Variants in PPARGC1A observed in about 807,000 individuals in gnomAD.
The protein encoded by PPARGC1A is peroxisome proliferator-activated receptor gamma coactivator 1-alpha.
A neutral mutation model predicts 88.7 loss-of-function variants in PPARGC1A; 25 were observed. The ratio of observed to expected loss-of-function variants is 0.28; its 90% CI spans 0.21 to 0.39. The LOEUF (loss-of-function observed/expected upper bound fraction) is 0.39, where lower values mean the gene tolerates loss of function less well. PPARGC1A is among the 10% of genes least tolerant of loss of function. PPARGC1A has a pLI of 1.00. For missense variants in PPARGC1A, 880 were observed against 968.7 expected (o/e 0.91, Z 1.22); for synonymous variants, 363 against 355.6 (o/e 1.02, Z -0.24).
At chr4:24,389,675 T>C in the PPARGC1A span, among the ~76,000 whole-genome samples, 2 of 152,158 alleles carry the variant, frequency 1.3e-5, no homozygotes, top group African/African-American at 4.8e-5. Context: ...CTATTAATAA[T>C]GATAACATAA....
chr4:24,078,379 G>T, the PPARGC1A span, among the ~76,000 whole-genome samples: 1 of 152,138 alleles, frequency 6.6e-6, no homozygotes, highest in East Asian at 1.9e-4. Context: ...CACTTTGAAA[G>T]AGAAGAGAGA....
At chr4:24,008,619 A>T in the PPARGC1A span, among the ~76,000 whole-genome samples, 6 of 152,182 alleles carry the variant, frequency 3.9e-5, no homozygotes, top group Admixed American at 6.5e-5. Context: ...AACGTTAGCC[A>T]TAGAGTAACT....
the PPARGC1A span, among the ~76,000 whole-genome samples, chr4:23,996,595 C>T: frequency 1.3e-5 from 2 of 152,022 alleles, no homozygotes; most frequent in Non-Finnish European, 2.9e-5. Flanking sequence ...CAACCCCACT[C>T]TGTTTCTCTT....
chr4:24,089,630 C>T, the PPARGC1A span, among the ~76,000 whole-genome samples: 12 of 151,738 alleles, frequency 7.9e-5, no homozygotes, highest in Admixed American at 5.9e-4. Flanking sequence ...CGTGTCTCAG[C>T]CTCCCGAGTA....
chr4:23,985,869 A>G, the PPARGC1A span, among the ~76,000 whole-genome samples: 47 of 152,186 alleles, frequency 3.1e-4, 1 homozygote, highest in African/African-American at 1.1e-3. Flanking sequence ...TGAGAAAATT[A>G]TGGTACACAA....
Position 23,813,768 on chromosome 4 carries a change from A to G in PPARGC1A, c.1715T>C (p.Phe572Ser). The G allele has an allele frequency of 5.6e-6, 9 of 1,613,614 alleles. No individual in the cohort carries two copies. The highest frequency in any genetic ancestry group is 6.8e-6 in the Non-Finnish European group (8 of 1,179,544). The stretch of plus-strand genomic sequence containing the variant: ...TCGGGAACACGACCTGTGTCGAGAA[A>G]AGGACCTTGAACGAGAGCGCATCCT... Reference protein sequence around the residue: ...PQRMRSRSRSFSRHRSCSRSP... With the variant: ...PQRMRSRSRSSSRHRSCSRSP... The change falls in exon 8 of 13, where the codon TTT (phenylalanine) becomes TCT (serine). Residue 572 changes from phenylalanine (F) to serine (S), a missense_variant. By Grantham distance (155) the Phe-to-Ser change is radical. Coordinates refer to ENST00000264867, the MANE Select transcript of PPARGC1A (RefSeq NM_013261.5).
the PPARGC1A span, among the ~76,000 whole-genome samples, chr4:24,417,434 T>A: frequency 2.6e-5 from 4 of 152,190 alleles, no homozygotes; most frequent in Non-Finnish European, 5.9e-5. Flanking sequence ...AAAACAGTTG[T>A]CAGTGATTTG....
chr4:23,899,900 T>C (rs1577698685), upstream of PPARGC1A, among the ~76,000 whole-genome samples: 1 of 152,142 alleles, frequency 6.6e-6, no homozygotes, highest in Admixed American at 6.5e-5. Flanking sequence ...TAAACTCTTA[T>C]GATACATGTA....
At chr4:24,208,341 G>T in the PPARGC1A span, among the ~76,000 whole-genome samples, 2 of 151,880 alleles carry the variant, frequency 1.3e-5, no homozygotes, top group South Asian at 4.2e-4. Context: ...GGGAAGGAGA[G>T]AGGAAGGGAG....
At chr4:24,162,219 G>T in the PPARGC1A span, among the ~76,000 whole-genome samples, 1 of 152,110 alleles carries the variant, frequency 6.6e-6, no homozygotes, top group Non-Finnish European at 1.5e-5. Flanking sequence ...TGGGAGGAAA[G>T]GGTGGGAAGG....
chr4:23,822,961 C>T (rs1246831543), intron 7 of PPARGC1A, among the ~76,000 whole-genome samples: 2 of 152,074 alleles, frequency 1.3e-5, no homozygotes, highest in Non-Finnish European at 2.9e-5. Context: ...GGTGGTGGAA[C>T]ATATCCAGTA....
At chr4:24,418,716 G>A in the PPARGC1A span, among the ~76,000 whole-genome samples, 1 of 152,124 alleles carries the variant, frequency 6.6e-6, no homozygotes, top group Non-Finnish European at 1.5e-5. Context: ...AACATAGCAG[G>A]ACCTCTATAA....
At chr4:24,313,662 G>T in the PPARGC1A span, among the ~76,000 whole-genome samples, 2 of 152,260 alleles carry the variant, frequency 1.3e-5, no homozygotes, top group South Asian at 4.1e-4. Flanking sequence ...GTCTGAGAAT[G>T]TATGCAATTG....
chr4:24,330,197 C>T, the PPARGC1A span, among the ~76,000 whole-genome samples: 15 of 152,286 alleles, frequency 9.8e-5, no homozygotes, highest in East Asian at 2.9e-3. Context: ...GAGGTGGGGT[C>T]TTTGTCCCCT....
At position 23,835,375 on chromosome 4, in the gene PPARGC1A, T is replaced by C. The variant is rs565703297; in HGVS notation, c.235-3624A>G. ...ATAATGTCATAATTAATTTATAAGA[T>C]CTGATTAAACCACCAACTATTTTAA... On this transcript the variant is annotated intron_variant, in intron 2 of 12. Coordinates refer to ENST00000264867, the MANE Select transcript of PPARGC1A (RefSeq NM_013261.5). Among the ~76,000 whole-genome samples, 11 of 152,180 alleles carry C rather than the reference T, an allele frequency of 7.2e-5. No homozygotes were observed. The South Asian group carries it at 2.1e-3, about 29-fold the overall frequency.
intron 10 of PPARGC1A, among the ~76,000 whole-genome samples, chr4:23,810,005 T>C (rs1261460755): frequency 6.6e-6 from 1 of 152,200 alleles, no homozygotes; most frequent in Non-Finnish European, 1.5e-5. Flanking sequence ...GCCAGTATGG[T>C]TGAAGCTCCT....
chr4:24,384,260 T>C, the PPARGC1A span, among the ~76,000 whole-genome samples: 1 of 152,206 alleles, frequency 6.6e-6, no homozygotes, highest in South Asian at 2.1e-4. Context: ...GAAAAACCGA[T>C]ACCAGCCACT....
At chr4:24,004,585 A>G in the PPARGC1A span, among the ~76,000 whole-genome samples, 8 of 152,354 alleles carry the variant, frequency 5.3e-5, no homozygotes, top group South Asian at 1.7e-3. Flanking sequence ...GCTGCTGATG[A>G]TAAATTTCCA....
the PPARGC1A span, among the ~76,000 whole-genome samples, chr4:24,240,188 T>C: frequency 1.3e-5 from 2 of 152,176 alleles, no homozygotes; most frequent in African/African-American, 2.4e-5. Flanking sequence ...ACAAGGAATA[T>C]ATAATAGACT....
Sources: allele counts gnomAD v4.1 joint callset (sites outside exome capture counted in the v4.1 genomes callset), GRCh38; gene constraint gnomAD v4.1.1; transcripts MANE v1.5; gene names NCBI Gene and HGNC (gene_info 2026-07-23, HGNC 2026-07-21).